SEC63: variants seen among roughly 807,000 people sequenced by gnomAD.
SEC63 encodes the protein translocation protein SEC63 homolog.
A neutral mutation model predicts 116.2 loss-of-function variants in SEC63; 56 were observed. The observed-to-expected ratio is 0.48, with a 90% confidence interval of 0.39 to 0.60. SEC63 has a LOEUF of 0.60. SEC63 is among the 20% of genes least tolerant of loss of function. The probability of loss-of-function intolerance (pLI) is 0.00; values close to 1 mark genes in which losing one functional copy is unlikely to be tolerated. For missense variants in SEC63, 668 were observed against 900.0 expected, an observed-to-expected ratio of 0.74 and a Z score of 3.30; for synonymous variants, 273 against 294.6, an observed-to-expected ratio of 0.93 and a Z score of 0.75.
chr6:107,893,353 A>G, intron 16 of SEC63, 129 bp downstream of exon 16: 1 of 823,748 alleles, frequency 1.2e-6, no homozygotes, highest in East Asian at 2.6e-5. Context: ...GAAGAGCACA[A>G]GGGAGCTTTC....
intron 7 of SEC63, among the ~76,000 whole-genome samples, chr6:107,909,768 T>A (rs1157770006): frequency 6.6e-6 from 1 of 152,186 alleles, no homozygotes; most frequent in Non-Finnish European, 1.5e-5. Context: ...TATTACTTAA[T>A]ATGATTGGAT....
intron 4 of SEC63, among the ~76,000 whole-genome samples, chr6:107,918,260 G>T (rs1411578935): frequency 2.7e-5 from 4 of 150,178 alleles, no homozygotes; most frequent in East Asian, 2.0e-4. Flanking sequence ...AAAAAAAAAT[G>T]ATTCCTTTCA....
At chr6:107,934,056 G>C (rs1172940465) in intron 1 of SEC63, among the ~76,000 whole-genome samples, 1 of 152,182 alleles carries the variant, frequency 6.6e-6, no homozygotes, top group Non-Finnish European at 1.5e-5. Flanking sequence ...GCAGTGGCGT[G>C]ATCTTGGCTC....
intron 18 of SEC63, chr6:107,877,064 T>C (rs1005768391): frequency 2.5e-4 from 14 of 55,022 alleles, no homozygotes; most frequent in Non-Finnish European, 4.1e-4. Flanking sequence ...CATATATATA[T>C]GTGTGTGTAT....
At chr6:107,926,567 T>C (rs533836294) in intron 2 of SEC63, among the ~76,000 whole-genome samples, 1 of 152,198 alleles carries the variant, frequency 6.6e-6, no homozygotes, top group African/African-American at 2.4e-5. Context: ...TTTAACACTT[T>C]TTAAACCCAA....
Position 107,911,367 on chromosome 6 carries a change from C to T in SEC63, c.603G>A (p.Met201Ile), listed in dbSNP as rs1229048817. 2 of 1,607,938 alleles carry T rather than the reference C, an allele frequency of 1.2e-6. No individual in the cohort carries two copies. The highest frequency in any genetic ancestry group is 1.3e-5 in the African/African-American group (1 of 74,768). Residue 201 changes from methionine (M) to isoleucine (I), a missense_variant, in exon 7 of 21, where the codon ATG (methionine) becomes ATA (isoleucine). Physicochemically the swap from Met to Ile is conservative, Grantham distance 10. Around this residue, in one of 5 missense-constraint regions of SEC63, gnomAD observed 430 missense variants for 557.5 expected, o/e 0.77. Coordinates refer to ENST00000369002, the MANE Select transcript of SEC63 (RefSeq NM_007214.5). ...LVLLVYGLAF[M>I]VILPVVVGSW... is the part of the protein sequence containing the mutation. ...TTACCACAACAACTGGAAGGATAAC[C>T]ATAAATGCCAATCCATATACAAGTA...
chr6:107,891,515 T>C (rs1183988718), intron 16 of SEC63, among the ~76,000 whole-genome samples: 5 of 152,240 alleles, frequency 3.3e-5, no homozygotes, highest in Non-Finnish European at 5.9e-5. Context: ...CATGCTCCTT[T>C]AGCTTGGAGG....
Position 107,888,834 on chromosome 6 carries a change from T to A in SEC63, c.1674+4648A>T, listed in dbSNP as rs1212863320. ...AATTTTGTTGAAGGCCTTTTCTGCA[T>A]CTATTGAGATAATCATGTGGTTTTT... is the stretch of plus-strand genomic sequence containing the variant. On this transcript the variant is annotated intron_variant, in intron 16 of 20. Transcript: ENST00000369002. Among the ~76,000 whole-genome samples the A allele has an allele frequency of 2.0e-5, 3 of 152,214 alleles. No homozygotes were observed. In the South Asian group the frequency reaches 6.2e-4, roughly 31 times the overall value.
At chr6:107,872,704 C>G (rs1476062340) in intron 20 of SEC63, 104 bp downstream of exon 20, 1 of 741,202 alleles carries the variant, frequency 1.3e-6, no homozygotes, top group Non-Finnish European at 2.4e-6. Context: ...GAGATGACTT[C>G]TTTTTCCTTC....
chr6:107,908,434 A>G (rs1385533629), intron 8 of SEC63, among the ~76,000 whole-genome samples: 1 of 152,208 alleles, frequency 6.6e-6, no homozygotes, highest in Non-Finnish European at 1.5e-5. Flanking sequence ...TACTACAATT[A>G]ATACACTATA....
chr6:107,937,537 C>T (rs961585350), intron 1 of SEC63, among the ~76,000 whole-genome samples: 1 of 152,162 alleles, frequency 6.6e-6, no homozygotes, highest in Non-Finnish European at 1.5e-5. Flanking sequence ...TTTGGCAGAA[C>T]AATTTATTTT....
At chr6:107,924,242 C>A (rs1330516484) in intron 3 of SEC63, among the ~76,000 whole-genome samples, 7 of 139,958 alleles carry the variant, frequency 5.0e-5, no homozygotes, top group African/African-American at 1.6e-4. Context: ...CCAGCCTGGG[C>A]AACAGAGCAA....
At chr6:107,901,542 A>T in intron 12 of SEC63, 25 bp from the exon 13 acceptor site, 1 of 1,463,154 alleles carries the variant, frequency 6.8e-7, no homozygotes, top group Non-Finnish European at 9.4e-7. Context: ...AAAAGAAAAT[A>T]CATAATTCCC....
At chr6:107,913,147 T>C (rs1787323987) in intron 5 of SEC63, among the ~76,000 whole-genome samples, 1 of 152,170 alleles carries the variant, frequency 6.6e-6, no homozygotes, top group Non-Finnish European at 1.5e-5. Context: ...TTGGAAATGA[T>C]AGTGATTATT....
At chr6:107,938,418 T>A (rs989276980) in intron 1 of SEC63, among the ~76,000 whole-genome samples, 8 of 151,584 alleles carry the variant, frequency 5.3e-5, no homozygotes, top group African/African-American at 1.9e-4. Flanking sequence ...GCCTGACTAA[T>A]TTTTTTTCAT....
At chr6:107,929,693 GAACA>G (rs1336682086) in intron 1 of SEC63, among the ~76,000 whole-genome samples, 179 bp from the exon 2 acceptor site, 1 of 152,140 alleles carries the variant, frequency 6.6e-6, no homozygotes. Context: ...CTGCCATTTA[GAACA>G]AACAACCTAT....
intron 1 of SEC63, among the ~76,000 whole-genome samples, chr6:107,930,687 T>C (rs1787781189): frequency 6.6e-6 from 1 of 151,942 alleles, no homozygotes; most frequent in Admixed American, 6.6e-5. Flanking sequence ...AAAAGTCTCC[T>C]AAACCCGTAA....
chr6:107,934,450 C>T (rs1357635976), intron 1 of SEC63, among the ~76,000 whole-genome samples: 1 of 149,926 alleles, frequency 6.7e-6, no homozygotes, highest in Non-Finnish European at 1.5e-5. Flanking sequence ...GCCGCGACCC[C>T]GTCTGGGAGG....
At position 107,868,185 on chromosome 6, in the gene SEC63, T is replaced by C. The variant is rs903086774; in HGVS notation, c.*3519A>G. 1 of 151,510 alleles carries C rather than the reference T, an allele frequency of 6.6e-6. No homozygotes were observed. 9.4% of individuals were successfully genotyped at this position (151,510 alleles called of 1,614,324 possible). On this transcript the variant is annotated 3_prime_UTR_variant, in exon 21 of 21. Coordinates refer to ENST00000369002, the MANE Select transcript of SEC63 (RefSeq NM_007214.5). ...AAGGCAGTCTAAATAGAGGATTTCA[T>C]GGAGTTAAATCAGACCGTTTGTGGG...
Sources: gnomAD v4.1 joint callset for allele counts (sites outside exome capture counted in the v4.1 genomes callset) on GRCh38, gnomAD v4.1.1 for gene constraint, gnomAD v4.1.1 regional missense constraint, MANE v1.5 for transcripts, NCBI Gene and HGNC (gene_info 2026-07-23, HGNC 2026-07-21) for gene names.